KNDC1: variants seen among roughly 807,000 people sequenced by gnomAD.
The protein encoded by KNDC1 is kinase non-catalytic C-lobe domain containing 1, also known as kinase non-catalytic C-lobe domain-containing protein 1.
Under a neutral mutation model 172.8 loss-of-function variants are expected in KNDC1, and 106 were observed. That is an observed-to-expected ratio of 0.61 (90% CI 0.52 to 0.72). KNDC1 has a LOEUF of 0.72. Ranked by LOEUF, KNDC1 falls within the 30% of genes least tolerant of loss-of-function variation. The pLI, the probability that KNDC1 is intolerant of heterozygous loss-of-function variation, is 0.00. For synonymous variants in KNDC1, 1,083 were observed against 1,062.2 expected (o/e 1.02, Z -0.38); for missense variants, 2,325 against 2,394.5 (o/e 0.97, Z 0.61).
rs1845395003 is a variant in KNDC1, at chr10:133,212,767, A to G, written c.4288A>G (p.Lys1430Glu). 6.2e-7 allele frequency: 1 copy of G among 1,613,820 alleles called. No homozygotes were observed. The highest frequency in any genetic ancestry group is 1.1e-5 in the South Asian group (1 of 91,076). ...RGNGLVLPPHKERPYTIAAAL... is the reference protein window; with the variant it reads ...RGNGLVLPPHEERPYTIAAAL... ...CAACGGGCTGGTGCTGCCGCCACAC[A>G]AGGAGCGCCCCTACACCATTGCTGC... The change falls in exon 24 of 30, where the codon AAG becomes GAG. Residue 1430 changes from lysine to glutamate, a missense_variant. Lys to Glu is a moderately conservative substitution (Grantham distance 56). Coordinates refer to ENST00000304613, the MANE Select transcript of KNDC1 (RefSeq NM_152643.8).
intron 3 of KNDC1, among the ~76,000 whole-genome samples, chr10:133,172,955 A>G (rs1352296412): frequency 1.3e-5 from 2 of 152,156 alleles, no homozygotes; most frequent in Non-Finnish European, 2.9e-5. Context: ...GTGAGCCATG[A>G]TTACCCCACT....
intron 19 of KNDC1, 66 bp downstream of exon 19, chr10:133,207,019 G>A: frequency 6.4e-7 from 1 of 1,555,054 alleles, no homozygotes; most frequent in Non-Finnish European, 8.9e-7. Context: ...TCCCACTGTT[G>A]GATGCTGTAA....
rs527611006 is a variant in KNDC1, at chr10:133,190,017, C to G, written c.1575+204C>G. Among the ~76,000 whole-genome samples the G allele has an allele frequency of 8.1e-4, 124 of 152,326 alleles. 1 individual carries two copies. Among genetic ancestry groups the G allele is most frequent in the Non-Finnish European group, 6.9e-4 (47 of 68,026 alleles). ...CAGGGCTTGGTGTGGACGGCACTGG[C>G]CATGTGCACTAGAGCTGCGCCTCCT... On this transcript the variant is annotated intron_variant, in intron 9 of 29. Transcript: ENST00000304613.
intron 7 of KNDC1, 97 bp downstream of exon 7, chr10:133,188,750 A>T: frequency 2.6e-6 from 1 of 382,656 alleles, no homozygotes; most frequent in East Asian, 4.8e-5. Context: ...CCCACCCCCC[A>T]CACCGTCCCA....
At chr10:133,197,546 G>A (rs906248198) in intron 11 of KNDC1, 129 bp from the exon 12 acceptor site, 15 of 750,288 alleles carry the variant, frequency 2.0e-5, no homozygotes, top group East Asian at 4.9e-5. Context: ...CCGTGTGGCC[G>A]CCATGCCCGG....
intron 24 of KNDC1, 60 bp downstream of exon 24, chr10:133,212,982 C>A: frequency 1.4e-6 from 2 of 1,457,776 alleles, no homozygotes; most frequent in Non-Finnish European, 1.9e-6. Flanking sequence ...AGAAACACTC[C>A]GCGCCCATAG....
rs751051611 is a variant in KNDC1, at chr10:133,186,146, G to A, written c.798G>A (p.Pro266=). ...CAACCAAGGCTCTGCTGTCCACCCC[G>A]GTGAGAAATGGCGAGAGCCACAGCC... ...ASPTKALLST[P]VRNGESHSRE... Residue 266 remains proline, a synonymous_variant, in exon 6 of 30, where the codon CCG becomes CCA. Coordinates refer to ENST00000304613, the MANE Select transcript of KNDC1 (RefSeq NM_152643.8). The A allele has an allele frequency of 1.7e-5, 27 of 1,588,674 alleles. No homozygotes were observed. Among genetic ancestry groups the A allele is most frequent in the African/African-American group, 1.1e-4 (8 of 74,208 alleles).
chr10:133,184,416 TCACA>T (rs1223592588), intron 5 of KNDC1, among the ~76,000 whole-genome samples: 70 of 44,410 alleles, frequency 1.6e-3, no homozygotes, highest in African/African-American at 4.4e-3. Context: ...ACACACCCAC[TCACA>T]CATTCAGAGA....
Position 133,200,466 on chromosome 10 carries a change from T to A in KNDC1, c.2989+6T>A. ...GCCGTCGCTGCACCGCCTGGGTAAG[T>A]GCTGGGCGGGCCCCGCGGCAGGAGC... On this transcript the variant is annotated splice_donor_region_variant and intron_variant, in intron 16 of 29. Transcript: ENST00000304613. 2 of 1,546,448 alleles carry A rather than the reference T, an allele frequency of 1.3e-6. No homozygotes were observed. Among genetic ancestry groups the A allele is most frequent in the Non-Finnish European group, 1.7e-6 (2 of 1,148,624 alleles).
intron 23 of KNDC1, among the ~76,000 whole-genome samples, chr10:133,212,505 C>T (rs1040496483): frequency 4.6e-5 from 7 of 152,344 alleles, no homozygotes; most frequent in African/African-American, 1.2e-4. Context: ...GCGTCCTGCC[C>T]GTGGGGCACC....
At chr10:133,199,677 G>A (rs751190892) in intron 15 of KNDC1, 75 bp downstream of exon 15, 201 of 1,521,792 alleles carry the variant, frequency 1.3e-4, no homozygotes, top group Non-Finnish European at 1.6e-4. Flanking sequence ...TGCCTGACCC[G>A]GGCCCAGCCT....
In KNDC1 at chr10:133,199,082, G is replaced by A. The variant is rs373886188; in HGVS notation, c.2574G>A (p.Gln858=). ...CCCCTGCCGGGGAACGTGATGACCA[G>A]AGTCCAGACAGTGTCCCAGAGAGGC... ...GATPAGERDD[Q]SPDSVPERPR... is the part of the protein sequence containing the mutation. The change falls in exon 14 of 30, where the codon CAG becomes CAA. Residue 858 remains glutamine (Q), a synonymous_variant. Transcript: ENST00000304613. The A allele has an allele frequency of 9.0e-4, 1,445 of 1,608,442 alleles. 11 individuals carry two copies. The highest frequency in any genetic ancestry group is 7.2e-3 in the South Asian group (648 of 90,442).
intron 29 of KNDC1, among the ~76,000 whole-genome samples, chr10:133,221,487 ACT>A (rs1217001827): frequency 6.6e-6 from 1 of 151,380 alleles, no homozygotes; most frequent in African/African-American, 2.4e-5. Context: ...GCTCGGCCTC[ACT>A]CTCTCCCTCA....
chr10:133,211,133 G>C (rs1845354170), intron 21 of KNDC1, among the ~76,000 whole-genome samples: 1 of 152,032 alleles, frequency 6.6e-6, no homozygotes, highest in Admixed American at 6.5e-5. Context: ...CAGGAGAGGG[G>C]TGGTGGGCTG....
rs143964723 is a variant in KNDC1, at chr10:133,204,919, C to T, written c.3388-1766C>T. ...TGCCCCCAGCCAGGTGCCCCTGCCC[C>T]GTGGCACCTCACAGTCCCCCTGAAG... On this transcript the variant is annotated intron_variant, in intron 17 of 29. Transcript: ENST00000304613. Among the ~76,000 whole-genome samples, 862 of 151,240 alleles carry T rather than the reference C, an allele frequency of 5.7e-3. 13 individuals are homozygous for T. Among genetic ancestry groups the T allele is most frequent in the African/African-American group, 0.02 (817 of 41,070 alleles).
At chr10:133,218,070 A>G (rs1221515694) in intron 26 of KNDC1, among the ~76,000 whole-genome samples, 2 of 152,004 alleles carry the variant, frequency 1.3e-5, no homozygotes, top group African/African-American at 4.8e-5. Flanking sequence ...AAAAAAAAAA[A>G]AAAAAAGAGT....
rs746603701 is a variant in KNDC1 at position 133,201,710 on chromosome 10, A to G, written c.3199A>G (p.Thr1067Ala). The G allele has an allele frequency of 1.2e-6, 2 of 1,610,384 alleles. No individual in the cohort carries two copies. The highest frequency in any genetic ancestry group is 1.1e-5 in the South Asian group (1 of 90,770). The change falls in exon 17 of 30, where the codon ACC becomes GCC. Residue 1067 changes from threonine (T) to alanine (A), a missense_variant. Transcript: ENST00000304613. ...AGGASDVEAV[T>A]RLARSKGVGP... ...CGGGGCCTCAGACGTGGAGGCAGTG[A>G]CCCGACTGGCCAGGTCCAAAGGGGT...
intron 26 of KNDC1, among the ~76,000 whole-genome samples, chr10:133,216,108 C>A (rs1289698771): frequency 6.6e-6 from 1 of 152,196 alleles, no homozygotes; most frequent in Admixed American, 6.5e-5. Flanking sequence ...AAATTCAGGA[C>A]CCCAGAAAAT....
At chr10:133,167,823 G>A (rs779109692) in intron 2 of KNDC1, among the ~76,000 whole-genome samples, 6 of 152,158 alleles carry the variant, frequency 3.9e-5, no homozygotes, top group Admixed American at 1.3e-4. Context: ...CACTCGGCCC[G>A]CCCTGAGCCC....
Sources: allele counts gnomAD v4.1 joint callset (sites outside exome capture counted in the v4.1 genomes callset), GRCh38; gene constraint gnomAD v4.1.1; transcripts MANE v1.5; gene names NCBI Gene and HGNC (gene_info 2026-07-23, HGNC 2026-07-21).